HS2ST1: variants seen among roughly 807,000 people sequenced by gnomAD.
HS2ST1 encodes heparan sulfate 2-O-sulfotransferase 1.
HS2ST1 carries 18 observed loss-of-function variants against 42.9 expected under a neutral mutation model. The observed-to-expected ratio is 0.42, with a 90% CI of 0.29 to 0.62. HS2ST1 has a LOEUF of 0.62. Ranked by LOEUF, HS2ST1 falls within the 20% of genes least tolerant of loss-of-function variation. The pLI is 0.21. For synonymous variants in HS2ST1, 146 were observed against 152.9 expected (o/e 0.95, Z 0.33); for missense variants, 334 against 433.8 (o/e 0.77, Z 2.04).
chr1:87,022,826 C>G (rs1353765869), intron 1 of HS2ST1, among the ~76,000 whole-genome samples: 1 of 152,102 alleles, frequency 6.6e-6, no homozygotes, highest in South Asian at 2.1e-4. Context: ...GCATATGCAA[C>G]TCAAAATCTT....
At chr1:87,035,392 T>C (rs1040178321) in intron 1 of HS2ST1, among the ~76,000 whole-genome samples, 2 of 152,232 alleles carry the variant, frequency 1.3e-5, no homozygotes, top group Admixed American at 1.3e-4. Flanking sequence ...TTCAGACTTT[T>C]CATGTACTCA....
intron 1 of HS2ST1, among the ~76,000 whole-genome samples, chr1:86,970,854 C>T (rs1188068031): frequency 6.6e-6 from 1 of 152,048 alleles, no homozygotes; most frequent in East Asian, 1.9e-4. Flanking sequence ...TTAAAATGTA[C>T]ATGAAAACTC....
At chr1:87,074,023 C>T (rs1651480402) in intron 2 of HS2ST1, among the ~76,000 whole-genome samples, 1 of 152,176 alleles carries the variant, frequency 6.6e-6, no homozygotes, top group African/African-American at 2.4e-5. Flanking sequence ...TGACTGTCAT[C>T]TCACTATTTA....
At chr1:86,987,045 A>T (rs1056793961) in intron 1 of HS2ST1, among the ~76,000 whole-genome samples, 2 of 142,380 alleles carry the variant, frequency 1.4e-5, no homozygotes, top group Non-Finnish European at 1.5e-5. Flanking sequence ...GCTTTCCACC[A>T]CTATTAAGGT....
intron 1 of HS2ST1, among the ~76,000 whole-genome samples, chr1:87,021,971 A>G (rs1463674866): frequency 6.6e-6 from 1 of 152,250 alleles, no homozygotes; most frequent in East Asian, 1.9e-4. Context: ...AGAATCTGAA[A>G]GTAACACAGT....
chr1:86,983,028 A>G (rs1034495647), intron 1 of HS2ST1, among the ~76,000 whole-genome samples: 4 of 152,176 alleles, frequency 2.6e-5, no homozygotes, highest in African/African-American at 9.7e-5. Context: ...CCCATTGTCC[A>G]TATCACAATC....
intron 1 of HS2ST1, among the ~76,000 whole-genome samples, chr1:87,064,098 G>T (rs996299275): frequency 6.6e-6 from 1 of 152,116 alleles, no homozygotes; most frequent in South Asian, 2.1e-4. Context: ...GTTGGTGGGG[G>T]GGCCGGTTTT....
intron 1 of HS2ST1, among the ~76,000 whole-genome samples, chr1:87,014,960 T>C (rs1228356441): frequency 6.6e-6 from 1 of 152,224 alleles, no homozygotes; most frequent in African/African-American, 2.4e-5. Context: ...AATAAATATC[T>C]TTCTTTTAGA....
intron 2 of HS2ST1, among the ~76,000 whole-genome samples, 169 bp downstream of exon 2, chr1:87,073,341 A>G (rs2100634962): frequency 6.6e-6 from 1 of 152,348 alleles, no homozygotes; most frequent in African/African-American, 2.4e-5. Context: ...ACTTGACAGT[A>G]TTTGACACAT....
At chr1:86,919,083 T>G in intron 1 of HS2ST1, among the ~76,000 whole-genome samples, 1 of 151,978 alleles carries the variant, frequency 6.6e-6, no homozygotes, top group Non-Finnish European at 1.5e-5. Context: ...TAGCGGGGAT[T>G]GCAGGTACGT....
chr1:87,023,465 TA>T (rs386367573), intron 1 of HS2ST1, among the ~76,000 whole-genome samples: 62 of 146,600 alleles, frequency 4.2e-4, no homozygotes, highest in African/African-American at 6.5e-4. Context: ...CAAGATATGT[TA>T]AAAAAAAAAA....
chr1:86,926,821 C>G (rs745404411), intron 1 of HS2ST1, among the ~76,000 whole-genome samples: 28 of 152,172 alleles, frequency 1.8e-4, no homozygotes, highest in Non-Finnish European at 3.4e-4. Context: ...TGAGCACAGG[C>G]CTTAGCAAGT....
intron 1 of HS2ST1, among the ~76,000 whole-genome samples, chr1:86,984,393 C>T (rs993666294): frequency 1.3e-5 from 2 of 152,130 alleles, no homozygotes; most frequent in Admixed American, 6.5e-5. Context: ...GTTTCCTCGA[C>T]GCTTTCTAGC....
intron 1 of HS2ST1, among the ~76,000 whole-genome samples, chr1:87,050,150 TTCTTGTGGTCAGAA>T (rs1650796991): frequency 6.6e-6 from 1 of 151,984 alleles, no homozygotes; most frequent in Admixed American, 6.6e-5. Context: ...TAAAGTGGTT[TTCTTGTGGTCAGAA>T]TATAGTTGAA....
intron 1 of HS2ST1, among the ~76,000 whole-genome samples, chr1:86,921,616 G>C (rs1660301766): frequency 6.6e-6 from 1 of 152,096 alleles, no homozygotes; most frequent in South Asian, 2.1e-4. Flanking sequence ...TTCTACGTAA[G>C]AAGACAGCAT....
chr1:87,002,564 T>C (rs1649320194), intron 1 of HS2ST1, among the ~76,000 whole-genome samples: 1 of 149,910 alleles, frequency 6.7e-6, no homozygotes, highest in Non-Finnish European at 1.5e-5. Flanking sequence ...TGCACCACTG[T>C]ACTCAAGCCT....
intron 3 of HS2ST1, 44 bp downstream of exon 3, chr1:87,084,323 T>G: frequency 1.9e-6 from 2 of 1,042,590 alleles, no homozygotes; most frequent in Non-Finnish European, 2.9e-6. Context: ...CTTTGTACTC[T>G]AGTAACCTAA....
rs1461327900 is a variant in HS2ST1, at chr1:87,105,769, T to A, written c.*1073T>A. On this transcript the variant is annotated 3_prime_UTR_variant, in exon 7 of 7. Transcript: ENST00000370550. The stretch of plus-strand genomic sequence containing the variant: ...ATCAGACCTACTGTTCTTGTATTTC[T>A]CATTTAACTTTACTGTTAAGACATC... 1 of 152,538 alleles carries A rather than the reference T, an allele frequency of 6.6e-6. No individual in the cohort carries two copies. Among genetic ancestry groups the A allele is most frequent in the Non-Finnish European group, 1.5e-5 (1 of 67,954 alleles). 9.4% of individuals were successfully genotyped at this position (152,538 alleles called of 1,614,324 possible). A position where few individuals can be genotyped will look rare whatever the true frequency, so the allele number is the denominator to read the frequency against.
At chr1:87,024,203 A>G (rs759502461) in intron 1 of HS2ST1, among the ~76,000 whole-genome samples, 96 of 152,104 alleles carry the variant, frequency 6.3e-4, no homozygotes, top group Non-Finnish European at 3.1e-4. Context: ...AGTCATTTTT[A>G]AGAATCAGGC....
Sources: gnomAD v4.1 joint callset for allele counts (sites outside exome capture counted in the v4.1 genomes callset) on GRCh38, gnomAD v4.1.1 for gene constraint, MANE v1.5 for transcripts, NCBI Gene and HGNC (gene_info 2026-07-23, HGNC 2026-07-21) for gene names.